The following AK3 variants were observed in gnomAD, a reference collection of about 807,000 sequenced individuals.
AK3 encodes the protein GTP:AMP phosphotransferase AK3, mitochondrial.
In AK3, 27 loss-of-function variants were observed where a neutral mutation model predicts 23.7. The ratio of observed to expected loss-of-function variants is 1.14; its 90% confidence interval spans 0.84 to 1.57. The LOEUF is 1.57. Ranked by LOEUF, AK3 falls within the 40% of genes most tolerant of loss-of-function variation. The pLI, the probability that AK3 is intolerant of heterozygous loss-of-function variation, is 0.00. For synonymous variants in AK3, 159 were observed against 116.0 expected (o/e 1.37, Z -2.38); for missense variants, 406 against 285.6 (o/e 1.42, Z -3.04).
chr9:4,719,240 G>T lies in AK3; in HGVS notation c.339C>A (p.Asn113Lys), dbSNP rs758079938. 18 of 1,611,294 alleles carry T rather than the reference G, an allele frequency of 1.1e-5. No homozygotes were observed. Among genetic ancestry groups the T allele is most frequent in the Non-Finnish European group, 1.4e-5 (17 of 1,179,300 alleles). ...DRAYQIDTVI[N>K]LNVPFEVIKQ... ...TAATGACCTCAAAGGGCACATTCAG[G>T]TTAATCACTGTGTCGATCTGATAAG... The change falls in exon 3 of 5, where the codon AAC becomes AAA. Residue 113 changes from asparagine (N) to lysine (K), a missense_variant. Asn to Lys is a moderately conservative substitution (Grantham distance 94). Transcript: ENST00000381809.
Position 4,712,923 on chromosome 9 carries a change from C to A in AK3, c.*53G>T. 6.4e-7 allele frequency: 1 copy of A among 1,559,380 alleles called. No individual in the cohort carries two copies. Among genetic ancestry groups the A allele is most frequent in the Non-Finnish European group, 8.7e-7 (1 of 1,151,244 alleles). ...TCTTAGGAAAAGCAGCTTCTAAATG[C>A]AAGGACTAGGAGGTTTGCCCATCTT... On this transcript the variant is annotated 3_prime_UTR_variant, in exon 5 of 5. Coordinates refer to ENST00000381809, the MANE Select transcript of AK3 (RefSeq NM_016282.4).
At position 4,736,313 on chromosome 9, in the gene AK3, C is replaced by T. The variant is rs1042248160; in HGVS notation, c.151+4624G>A. On this transcript the variant is annotated intron_variant, in intron 1 of 4. Coordinates refer to ENST00000381809, the MANE Select transcript of AK3 (RefSeq NM_016282.4). ...TGTTAAAGGTATAAAACAGTATATA[C>T]AGCATGCTATAATCTGTGTTTTAAA... Among the ~76,000 whole-genome samples, 6 of 152,056 alleles carry T rather than the reference C, an allele frequency of 3.9e-5. No individual in the cohort carries two copies. In the South Asian group the frequency reaches 1.0e-3, roughly 26 times the overall value.
intron 1 of AK3, among the ~76,000 whole-genome samples, chr9:4,726,927 T>A (rs888933618): frequency 6.6e-6 from 1 of 152,102 alleles, no homozygotes; most frequent in Non-Finnish European, 1.5e-5. Flanking sequence ...TCAGCAGGCA[T>A]GAAAACAACA....
chr9:4,740,171 T>C (rs1364219244), intron 1 of AK3, among the ~76,000 whole-genome samples: 2 of 151,680 alleles, frequency 1.3e-5, no homozygotes, highest in Non-Finnish European at 2.9e-5. Flanking sequence ...TTTTGAAAAG[T>C]AAGGTCAACA....
In AK3 at chr9:4,712,642, T is replaced by A. The variant is rs997052185; in HGVS notation, c.*334A>T. ...TTTTTTTAACTTTTCCAGAAAAATA[T>A]GGAAACTTTATCAACCACTTATTAA... On this transcript the variant is annotated 3_prime_UTR_variant, in exon 5 of 5. Transcript: ENST00000381809. 9 of 160,596 alleles carry A rather than the reference T, an allele frequency of 5.6e-5. No individual in the cohort carries two copies. The highest frequency in any genetic ancestry group is 2.2e-4 in the African/African-American group (9 of 41,762). 9.9% of individuals were successfully genotyped at this position (160,596 alleles called of 1,614,324 possible).
rs999839252 is a variant in AK3 at position 4,710,215 on chromosome 9, C to CTT, written c.*2759_*2760dup. 4.0e-5 allele frequency: 6 copies of CTT among 148,350 alleles called. No individual in the cohort carries two copies. Among genetic ancestry groups the CTT allele is most frequent in the South Asian group, 2.1e-4 (1 of 4,672 alleles). 9.2% of individuals were successfully genotyped at this position (148,350 alleles called of 1,614,324 possible). A position where few individuals can be genotyped will look rare whatever the true frequency, so the allele number is the denominator to read the frequency against. On this transcript the variant is annotated 3_prime_UTR_variant, in exon 5 of 5. Transcript: ENST00000381809. Reference sequence around the variant, plus strand: ...TCAGTTGAGGTGCTGTTCTCCCTGGCTTTTTTTTTTGAGACGGAGTCTCCC... The same window carrying CTT: ...TCAGTTGAGGTGCTGTTCTCCCTGGCTTTTTTTTTTTTGAGACGGAGTCTCCC...
intron 1 of AK3, among the ~76,000 whole-genome samples, chr9:4,728,568 C>T (rs1040321404): frequency 6.6e-6 from 1 of 152,000 alleles, no homozygotes; most frequent in Non-Finnish European, 1.5e-5. Context: ...GAAACTGTGT[C>T]TCAAACAAAA....
chr9:4,729,980 G>C (rs1216682237), intron 1 of AK3, among the ~76,000 whole-genome samples: 1 of 152,212 alleles, frequency 6.6e-6, no homozygotes, highest in Non-Finnish European at 1.5e-5. Context: ...TATCAAGACA[G>C]TGGAATATTA....
At chr9:4,740,060 CAA>C (rs1166971578) in intron 1 of AK3, among the ~76,000 whole-genome samples, 3 of 113,362 alleles carry the variant, frequency 2.6e-5, no homozygotes, top group Non-Finnish European at 1.8e-5. Flanking sequence ...GCTATCCTTA[CAA>C]AAAAAAAAAA....
In AK3 at chr9:4,732,866, CTCTCT is replaced by C. The variant is rs1484993393; in HGVS notation, c.151+8066_151+8070del. Among the ~76,000 whole-genome samples, 139 of 122,284 alleles carry C rather than the reference CTCTCT, an allele frequency of 1.1e-3. 1 individual carries two copies. Among genetic ancestry groups the C allele is most frequent in the Non-Finnish European group, 1.6e-3 (89 of 55,126 alleles). The allele number at this position is 122,284 out of a possible 152,430, so 80.2% of individuals were successfully genotyped here. ...AACTGTAAATAACAGTTCTCTCTCTCTCTCTTTTTTTTTTTTTTTCCAAAGAGCCA... is the reference window on the plus strand; with the variant it reads ...AACTGTAAATAACAGTTCTCTCTCTCTTTTTTTTTTTTTTCCAAAGAGCCA... On this transcript the variant is annotated intron_variant, in intron 1 of 4. Transcript: ENST00000381809.
chr9:4,713,326 C>T (rs974154654), intron 4 of AK3, among the ~76,000 whole-genome samples: 1 of 152,126 alleles, frequency 6.6e-6, no homozygotes, highest in East Asian at 1.9e-4. Context: ...ATAACAGCAC[C>T]TATCATTTAT....
In AK3 at chr9:4,712,161, C is replaced by T. The variant is rs1189090193; in HGVS notation, c.*815G>A. The T allele has an allele frequency of 6.6e-6, 1 of 152,108 alleles. No individual in the cohort carries two copies. Among genetic ancestry groups the T allele is most frequent in the Non-Finnish European group, 1.5e-5 (1 of 68,008 alleles). The allele number at this position is 152,108 out of a possible 1,614,324, so 9.4% of individuals were successfully genotyped here. On this transcript the variant is annotated 3_prime_UTR_variant, in exon 5 of 5. Transcript: ENST00000381809. ...AAAAACCAGCAAGTAGATCCTAAAA[C>T]ACATTTCTTAACCTGAGTCATAACT...
chr9:4,723,352 T>A (rs535989106), intron 1 of AK3, among the ~76,000 whole-genome samples: 2 of 152,356 alleles, frequency 1.3e-5, no homozygotes, highest in African/African-American at 4.8e-5. Context: ...TCAGTTTAAA[T>A]GCCTGCTATC....
At chr9:4,739,119 C>G (rs1001544889) in intron 1 of AK3, among the ~76,000 whole-genome samples, 6 of 152,024 alleles carry the variant, frequency 3.9e-5, no homozygotes, top group Non-Finnish European at 7.4e-5. Flanking sequence ...GTAGCAGTAT[C>G]TGGGACTGTT....
rs374607747 is a variant in AK3 at position 4,740,993 on chromosome 9, T to C, written c.95A>G (p.Glu32Gly). Residue 32 changes from glutamate (E) to glycine (G), a missense_variant, in exon 1 of 5, where the codon GAG (glutamate) becomes GGG (glycine). Glu to Gly is a moderately conservative substitution (Grantham distance 98). Transcript: ENST00000381809. Reference sequence around the variant, plus strand: ...GTCCCCGCTGGAGAGGTGCTTCAGCTCGAAGTGTGTAGTGATGCGCGACGA... The same window carrying C: ...GTCCCCGCTGGAGAGGTGCTTCAGCCCGAAGTGTGTAGTGATGCGCGACGA... ...TVSSRITTHFELKHLSSGDLL... is the reference protein window; with the variant it reads ...TVSSRITTHFGLKHLSSGDLL... 23 of 1,594,366 alleles carry C rather than the reference T, an allele frequency of 1.4e-5. No homozygotes were observed. Among genetic ancestry groups the C allele is most frequent in the Non-Finnish European group, 1.9e-5 (22 of 1,172,342 alleles).
chr9:4,713,204 G>C, intron 4 of AK3, 108 bp from the exon 5 acceptor site: 2 of 1,409,528 alleles, frequency 1.4e-6, no homozygotes, highest in Non-Finnish European at 1.9e-6. Flanking sequence ...AGGAGTCTTG[G>C]TAAGTATAGA....
rs1841528599 is a variant in AK3 at position 4,710,429 on chromosome 9, C to T, written c.*2547G>A. The T allele has an allele frequency of 8.6e-6, 1 of 116,458 alleles. No individual in the cohort carries two copies. Among genetic ancestry groups the T allele is most frequent in the Non-Finnish European group, 2.1e-5 (1 of 47,840 alleles). 7.2% of individuals were successfully genotyped at this position (116,458 alleles called of 1,614,324 possible). A position where few individuals can be genotyped will look rare whatever the true frequency, so the allele number is the denominator to read the frequency against. On this transcript the variant is annotated 3_prime_UTR_variant, in exon 5 of 5. Transcript: ENST00000381809. The stretch of plus-strand genomic sequence containing the variant: ...AGAGACGGGGTTTCACCGTGTTAGC[C>T]AGGATGGTCTCGATCTCCTGACCTC...
Position 4,738,090 on chromosome 9 carries a change from T to C in AK3, c.151+2847A>G, listed in dbSNP as rs563420201. On this transcript the variant is annotated intron_variant, in intron 1 of 4. Coordinates refer to ENST00000381809, the MANE Select transcript of AK3 (RefSeq NM_016282.4). ...ATGTGCAGGGATAGTCATAACAGTATTTATTACAACAAACAATAGTTAACA... is the reference window on the plus strand; with the variant it reads ...ATGTGCAGGGATAGTCATAACAGTACTTATTACAACAAACAATAGTTAACA... Among the ~76,000 whole-genome samples, 12 of 152,328 alleles carry C rather than the reference T, an allele frequency of 7.9e-5. No homozygotes were observed. In the South Asian group the frequency reaches 1.9e-3, roughly 24 times the overall value.
chr9:4,733,861 T>C (rs764878320), intron 1 of AK3, among the ~76,000 whole-genome samples: 3 of 152,152 alleles, frequency 2.0e-5, no homozygotes, highest in African/African-American at 7.2e-5. Flanking sequence ...CTTATTGATT[T>C]TTCAACACAC....
Sources: allele counts gnomAD v4.1 joint callset (sites outside exome capture counted in the v4.1 genomes callset), GRCh38; gene constraint gnomAD v4.1.1; transcripts MANE v1.5; gene names NCBI Gene and HGNC (gene_info 2026-07-23, HGNC 2026-07-21).